Variants in LINGO2 observed in about 807,000 individuals in gnomAD.
The protein encoded by LINGO2 is leucine-rich repeat and immunoglobulin-like domain-containing nogo receptor-interacting protein 2.
A neutral mutation model predicts 30.6 loss-of-function variants in LINGO2; 14 were observed. The ratio of observed to expected loss-of-function variants is 0.46; its 90% CI spans 0.30 to 0.72. The LOEUF (loss-of-function observed/expected upper bound fraction) is 0.72. Ranked by LOEUF, LINGO2 falls within the 30% of genes least tolerant of loss-of-function variation. LINGO2 has a pLI of 0.07. For synonymous variants in LINGO2, 317 were observed against 288.5 expected (o/e 1.10, Z -1.00); for missense variants, 729 against 751.7 (o/e 0.97, Z 0.35).
At chr9:28,434,303 C>A (rs1462025783) in intron 2 of LINGO2, among the ~76,000 whole-genome samples, 1 of 148,024 alleles carries the variant, frequency 6.8e-6, no homozygotes, top group Non-Finnish European at 1.5e-5. Flanking sequence ...CCCAAAATGA[C>A]CTGTACCCTA....
At chr9:28,672,451 C>T (rs564106406), upstream of LINGO2, among the ~76,000 whole-genome samples, 2 of 152,274 alleles carry the variant, frequency 1.3e-5, no homozygotes, top group East Asian at 1.9e-4. Flanking sequence ...TAGGCACTTT[C>T]ATATGCATAT....
chr9:28,221,741 C>G (rs1425537198), intron 4 of LINGO2, among the ~76,000 whole-genome samples: 1 of 152,074 alleles, frequency 6.6e-6, no homozygotes, highest in Non-Finnish European at 1.5e-5. Flanking sequence ...TGAGTAGATC[C>G]CTGATCATTC....
At chr9:28,844,897 G>GA in the LINGO2 span, among the ~76,000 whole-genome samples, 7 of 151,970 alleles carry the variant, frequency 4.6e-5, 1 homozygote, top group African/African-American at 1.7e-4. Context: ...GTTTGTGACA[G>GA]AGGGACTAAA....
At chr9:28,939,691 A>G in the LINGO2 span, among the ~76,000 whole-genome samples, 1 of 152,162 alleles carries the variant, frequency 6.6e-6, no homozygotes, top group South Asian at 2.1e-4. Context: ...TTGAGAGCAG[A>G]GGTGCTATCT....
intron 1 of LINGO2, among the ~76,000 whole-genome samples, chr9:28,616,901 C>T (rs1826153580): frequency 6.6e-6 from 1 of 152,312 alleles, no homozygotes; most frequent in South Asian, 2.1e-4. Context: ...AAGACTCTTT[C>T]ATCACAACTA....
At chr9:28,060,460 T>C (rs1825108419) in intron 4 of LINGO2, among the ~76,000 whole-genome samples, 2 of 152,170 alleles carry the variant, frequency 1.3e-5, no homozygotes, top group Non-Finnish European at 2.9e-5. Flanking sequence ...CTTTCATAAG[T>C]AAGATTTTTT....
intron 4 of LINGO2, among the ~76,000 whole-genome samples, chr9:28,158,589 G>C (rs190157327): frequency 6.6e-6 from 1 of 152,240 alleles, no homozygotes; most frequent in Non-Finnish European, 1.5e-5. Context: ...ACTCAATCAG[G>C]GTTCAGTGGA....
At chr9:28,323,867 G>A (rs1415973854) in intron 3 of LINGO2, among the ~76,000 whole-genome samples, 1 of 151,944 alleles carries the variant, frequency 6.6e-6, no homozygotes, top group Non-Finnish European at 1.5e-5. Context: ...AATAATGCAT[G>A]GTATTATAAC....
At chr9:28,133,996 C>T (rs1563993872) in intron 4 of LINGO2, among the ~76,000 whole-genome samples, 1 of 152,192 alleles carries the variant, frequency 6.6e-6, no homozygotes, top group African/African-American at 2.4e-5. Context: ...ATCATCTACC[C>T]TATTCTCCAA....
At chr9:28,040,632 C>T (rs1342518243) in intron 4 of LINGO2, among the ~76,000 whole-genome samples, 1 of 152,046 alleles carries the variant, frequency 6.6e-6, no homozygotes, top group Non-Finnish European at 1.5e-5. Flanking sequence ...CTGCTGTTGG[C>T]TATAATACAT....
intron 4 of LINGO2, among the ~76,000 whole-genome samples, chr9:28,279,257 T>C (rs978339705): frequency 1.3e-5 from 2 of 152,214 alleles, no homozygotes; most frequent in African/African-American, 2.4e-5. Flanking sequence ...ATTTAGAATA[T>C]TAAATAAACT....
the LINGO2 span, among the ~76,000 whole-genome samples, chr9:29,124,648 A>G: frequency 6.6e-6 from 1 of 152,212 alleles, no homozygotes; most frequent in Non-Finnish European, 1.5e-5. Flanking sequence ...TGTGGCCATC[A>G]AACATGAAAA....
chr9:28,306,461 C>T (rs1824360818), intron 3 of LINGO2, among the ~76,000 whole-genome samples: 2 of 151,824 alleles, frequency 1.3e-5, no homozygotes, highest in Non-Finnish European at 2.9e-5. Context: ...CACTAAATGC[C>T]CACAAGAGAA....
the LINGO2 span, among the ~76,000 whole-genome samples, chr9:28,718,800 A>G: frequency 5.9e-5 from 9 of 151,876 alleles, no homozygotes; most frequent in African/African-American, 9.7e-5. Flanking sequence ...GAGCCCAAAC[A>G]CTTGGTTTTT....
At chr9:29,199,437 G>A in the LINGO2 span, among the ~76,000 whole-genome samples, 1 of 151,220 alleles carries the variant, frequency 6.6e-6, no homozygotes, top group Non-Finnish European at 1.5e-5. Context: ...CCCAGGGGAA[G>A]TTTATCCAGG....
the LINGO2 span, among the ~76,000 whole-genome samples, chr9:28,805,939 G>T: frequency 6.6e-6 from 1 of 151,964 alleles, no homozygotes; most frequent in African/African-American, 2.4e-5. Context: ...CAAGTGAGCA[G>T]ATAAAAACAA....
chr9:28,545,775 CT>C (rs1821905737), intron 1 of LINGO2, among the ~76,000 whole-genome samples: 1 of 151,980 alleles, frequency 6.6e-6, no homozygotes, highest in African/African-American at 2.4e-5. Flanking sequence ...TCTAGGTATA[CT>C]TACTGTATAT....
At chr9:28,305,142 T>C (rs531004992) in intron 3 of LINGO2, among the ~76,000 whole-genome samples, 10 of 152,166 alleles carry the variant, frequency 6.6e-5, no homozygotes, top group Non-Finnish European at 1.0e-4. Context: ...ATCATCTCAA[T>C]TGACATACAA....
chr9:28,612,226 T>C (rs1478667141), intron 1 of LINGO2, among the ~76,000 whole-genome samples: 1 of 152,132 alleles, frequency 6.6e-6, no homozygotes, highest in East Asian at 1.9e-4. Flanking sequence ...CAAGTCCAGC[T>C]AATTTTTTTG....
Sources: allele counts gnomAD v4.1 joint callset (sites outside exome capture counted in the v4.1 genomes callset), GRCh38; gene constraint gnomAD v4.1.1; transcripts MANE v1.5; gene names NCBI Gene and HGNC (gene_info 2026-07-23, HGNC 2026-07-21).